ATRNL1: variants seen among roughly 807,000 people sequenced by gnomAD.
ATRNL1 encodes the protein attractin-like protein 1.
Under a neutral mutation model 182.7 loss-of-function variants are expected in ATRNL1, and 95 were observed. The ratio of observed to expected loss-of-function variants is 0.52; its 90% confidence interval spans 0.44 to 0.62. The LOEUF is 0.62. ATRNL1 is among the 20% of genes least tolerant of loss of function. The probability of loss-of-function intolerance (pLI) is 0.00; values close to 1 mark genes in which losing one functional copy is unlikely to be tolerated. For missense variants in ATRNL1, 1,471 were observed against 1,679.5 expected (o/e 0.88, Z 2.17); for synonymous variants, 576 against 568.3 (o/e 1.01, Z -0.19).
chr10:115,197,415 A>G (rs1267579096), intron 8 of ATRNL1, among the ~76,000 whole-genome samples: 1 of 152,110 alleles, frequency 6.6e-6, no homozygotes, highest in African/African-American at 2.4e-5. Context: ...TTAAGAGTTT[A>G]TGTAGAATTG....
intron 13 of ATRNL1, among the ~76,000 whole-genome samples, chr10:115,278,615 T>C (rs117655322): frequency 7.2e-6 from 1 of 139,430 alleles, no homozygotes; most frequent in East Asian, 2.0e-4. Context: ...AAGCTATCTG[T>C]TGTAAGAATA....
chr10:115,546,388 C>A (rs1210104303), intron 25 of ATRNL1, among the ~76,000 whole-genome samples: 4 of 151,742 alleles, frequency 2.6e-5, no homozygotes, highest in East Asian at 1.9e-4. Context: ...CATGGTGTAA[C>A]CCCGTCTCTA....
intron 26 of ATRNL1, among the ~76,000 whole-genome samples, chr10:115,633,707 A>G (rs934575233): frequency 6.6e-6 from 1 of 152,172 alleles, no homozygotes; most frequent in African/African-American, 2.4e-5. Flanking sequence ...TAAGAGTTAC[A>G]GATACTGAAA....
At chr10:115,498,208 C>CTAT (rs1554978965) in intron 24 of ATRNL1, among the ~76,000 whole-genome samples, 2 of 151,808 alleles carry the variant, frequency 1.3e-5, no homozygotes, top group Admixed American at 6.6e-5. Flanking sequence ...TTTTCTTTGC[C>CTAT]TATTATTATT....
intron 28 of ATRNL1, among the ~76,000 whole-genome samples, chr10:115,870,931 C>T (rs1245192639): frequency 4.6e-5 from 7 of 152,066 alleles, no homozygotes; most frequent in African/African-American, 1.7e-4. Flanking sequence ...CAATATCAGG[C>T]CCATAGTAAA....
chr10:115,449,222 G>C (rs1373888423), intron 21 of ATRNL1, among the ~76,000 whole-genome samples: 1 of 152,154 alleles, frequency 6.6e-6, no homozygotes, highest in East Asian at 1.9e-4. Context: ...TCCACTGGCA[G>C]AGGTGCTGCA....
chr10:115,268,383 C>G lies in ATRNL1; in HGVS notation c.2039C>G (p.Thr680Arg). 6.2e-7 allele frequency: 1 copy of G among 1,613,736 alleles called. No homozygotes were observed. The highest frequency in any genetic ancestry group is 8.5e-7 in the Non-Finnish European group (1 of 1,179,822). The part of the protein sequence containing the change: ...YADCASCTAN[T>R]NGCQWCDDKK... Reference sequence around the variant, plus strand: ...GATTGTGCCAGCTGTACTGCCAATACAAATGGGTGCCAATGGTGTGATGAC... The same window carrying G: ...GATTGTGCCAGCTGTACTGCCAATAGAAATGGGTGCCAATGGTGTGATGAC... Residue 680 changes from threonine to arginine, a missense_variant, in exon 13 of 29, where the codon ACA (threonine) becomes AGA (arginine). Around this residue, in one of 3 missense-constraint regions of ATRNL1, gnomAD observed 1,031 missense variants for 1,156.0 expected, o/e 0.89. Transcript: ENST00000355044.
In ATRNL1 at chr10:115,928,373, A is replaced by G. The variant is rs139931627; in HGVS notation, c.4019-16285A>G. Among the ~76,000 whole-genome samples, 379 of 152,226 alleles carry G rather than the reference A, an allele frequency of 2.5e-3. 3 individuals are homozygous for G. Among genetic ancestry groups the G allele is most frequent in the African/African-American group, 8.4e-3 (349 of 41,570 alleles). On this transcript the variant is annotated intron_variant, in intron 28 of 28. Transcript: ENST00000355044. ...AGCTAACTGATTTAATGTTAATGAA[A>G]GGAACTATATTCAAACACAGATTTT...
chr10:115,589,592 C>T (rs191793781), intron 26 of ATRNL1, among the ~76,000 whole-genome samples: 1 of 152,192 alleles, frequency 6.6e-6, no homozygotes, highest in Non-Finnish European at 1.5e-5. Flanking sequence ...TTCCCTCTCC[C>T]CCTTATTATT....
chr10:115,868,461 C>T lies in ATRNL1; in HGVS notation c.4018+20470C>T, dbSNP rs188746266. ...GTTATCATCTGCCTCCTTAACTAAA[C>T]TAAGAGCAGCATGGAGGCGAGGGCC... On this transcript the variant is annotated intron_variant, in intron 28 of 28. Transcript: ENST00000355044. Among the ~76,000 whole-genome samples the T allele has an allele frequency of 1.8e-4, 27 of 152,300 alleles. No homozygotes were observed. The South Asian group carries it at 2.1e-3, about 12-fold the overall frequency.
intron 26 of ATRNL1, among the ~76,000 whole-genome samples, chr10:115,697,255 T>C (rs1443220366): frequency 1.3e-5 from 2 of 152,230 alleles, no homozygotes; most frequent in Non-Finnish European, 2.9e-5. Flanking sequence ...TGTTTTTTCC[T>C]TGTAAATTTG....
chr10:115,591,994 A>G (rs1387083236), intron 26 of ATRNL1, among the ~76,000 whole-genome samples: 1 of 152,222 alleles, frequency 6.6e-6, no homozygotes, highest in Non-Finnish European at 1.5e-5. Context: ...TGCAGCCATA[A>G]AAGAGAAAAA....
intron 25 of ATRNL1, among the ~76,000 whole-genome samples, chr10:115,528,705 G>T (rs1210817819): frequency 6.6e-6 from 1 of 151,820 alleles, no homozygotes; most frequent in East Asian, 1.9e-4. Context: ...TCTAGTTCAA[G>T]TTGTAAAGTT....
chr10:115,148,366 A>G (rs1324419753), intron 5 of ATRNL1, among the ~76,000 whole-genome samples: 1 of 152,166 alleles, frequency 6.6e-6, no homozygotes, highest in Non-Finnish European at 1.5e-5. Flanking sequence ...TTTTCTAGAT[A>G]TAAGATTATA....
At chr10:115,846,986 A>G (rs1235354074) in intron 27 of ATRNL1, among the ~76,000 whole-genome samples, 1 of 152,140 alleles carries the variant, frequency 6.6e-6, no homozygotes, top group Non-Finnish European at 1.5e-5. Context: ...CCATAGTAAC[A>G]ACTTAATAAA....
At chr10:115,205,060 T>A (rs558662999) in intron 8 of ATRNL1, among the ~76,000 whole-genome samples, 1 of 152,188 alleles carries the variant, frequency 6.6e-6, no homozygotes, top group East Asian at 1.9e-4. Context: ...TCACATTTTA[T>A]GTTTTTGGTG....
chr10:115,507,802 C>G (rs1476607125), intron 24 of ATRNL1, among the ~76,000 whole-genome samples: 3 of 151,942 alleles, frequency 2.0e-5, no homozygotes, highest in Non-Finnish European at 4.4e-5. Context: ...GCCATTCACA[C>G]AAAATCCAGA....
At chr10:115,807,260 C>T (rs1555085860) in intron 27 of ATRNL1, among the ~76,000 whole-genome samples, 1 of 151,994 alleles carries the variant, frequency 6.6e-6, no homozygotes, top group African/African-American at 2.4e-5. Flanking sequence ...GGATTACAAG[C>T]GTGTGTCACC....
chr10:115,606,841 A>C (rs1322439410), intron 26 of ATRNL1, among the ~76,000 whole-genome samples: 1 of 152,014 alleles, frequency 6.6e-6, no homozygotes, highest in Non-Finnish European at 1.5e-5. Flanking sequence ...TTTTCTAGCC[A>C]TGCCTGTTCT....
Sources: gnomAD v4.1 joint callset for allele counts (sites outside exome capture counted in the v4.1 genomes callset) on GRCh38, gnomAD v4.1.1 for gene constraint, gnomAD v4.1.1 regional missense constraint, MANE v1.5 for transcripts, NCBI Gene and HGNC (gene_info 2026-07-23, HGNC 2026-07-21) for gene names.